FBN2: variants seen among roughly 807,000 people sequenced by gnomAD.
FBN2 encodes fibrillin-2.
In FBN2, 105 loss-of-function variants were observed where a neutral mutation model predicts 355.6. The observed-to-expected ratio is 0.30, with a 90% CI of 0.25 to 0.35. The LOEUF (loss-of-function observed/expected upper bound fraction) is 0.35. Ranked by LOEUF, FBN2 falls within the 10% of genes least tolerant of loss-of-function variation. The pLI is 1.00. For missense variants in FBN2, 3,280 were observed against 3,758.7 expected (o/e 0.87, Z 3.33); for synonymous variants, 1,350 against 1,301.2 (o/e 1.04, Z -0.81).
At chr5:128,337,091 G>A (rs1247252493) in intron 27 of FBN2, among the ~76,000 whole-genome samples, 1 of 152,120 alleles carries the variant, frequency 6.6e-6, no homozygotes, top group Non-Finnish European at 1.5e-5. Context: ...ACCTCAATAT[G>A]TTCAACCATG....
chr5:128,485,575 G>A (rs1167160254), intron 5 of FBN2, among the ~76,000 whole-genome samples: 1 of 152,078 alleles, frequency 6.6e-6, no homozygotes, highest in African/African-American at 2.4e-5. Flanking sequence ...CATGGAGACT[G>A]ATAGCATTTA....
chr5:128,273,634 C>T (rs1765317166), intron 61 of FBN2, among the ~76,000 whole-genome samples: 1 of 152,164 alleles, frequency 6.6e-6, no homozygotes, highest in South Asian at 2.1e-4. Context: ...AATTCGTAAT[C>T]ACAGAATTTT....
intron 48 of FBN2, among the ~76,000 whole-genome samples, chr5:128,296,791 C>T (rs1257293180): frequency 6.6e-6 from 1 of 152,076 alleles, no homozygotes; most frequent in Non-Finnish European, 1.5e-5. Flanking sequence ...AAAACCAGCT[C>T]CTGGATTCGT....
intron 4 of FBN2, among the ~76,000 whole-genome samples, chr5:128,523,140 C>T (rs1756480472): frequency 6.6e-6 from 1 of 152,168 alleles, no homozygotes; most frequent in African/African-American, 2.4e-5. Flanking sequence ...AGCAGAGGCG[C>T]AGACACTTGG....
At chr5:128,481,065 C>G (rs1302975196) in intron 5 of FBN2, among the ~76,000 whole-genome samples, 2 of 152,096 alleles carry the variant, frequency 1.3e-5, no homozygotes, top group East Asian at 3.9e-4. Context: ...CCCTATTTCC[C>G]AAAGATCTGT....
chr5:128,288,489 C>G lies in FBN2; in HGVS notation c.6706G>C (p.Glu2236Gln), dbSNP rs1177049005. ...GTCTNVIGSF[E>Q]CNCNEGFEPG... ...TCAAAGCCTTCATTGCAATTGCATT[C>G]AAAACTCCCAATAACATTGGTGCAT... The change falls in exon 53 of 65, where the codon GAA (glutamate) becomes CAA (glutamine). Residue 2236 changes from glutamate (E) to glutamine (Q), a missense_variant. Coordinates refer to ENST00000262464, the MANE Select transcript of FBN2 (RefSeq NM_001999.4). 1 of 1,613,900 alleles carries G rather than the reference C, an allele frequency of 6.2e-7. No individual in the cohort carries two copies. The highest frequency in any genetic ancestry group is 8.5e-7 in the Non-Finnish European group (1 of 1,179,924).
chr5:128,306,780 T>TA (rs780586021), intron 42 of FBN2, among the ~76,000 whole-genome samples: 1 of 152,018 alleles, frequency 6.6e-6, no homozygotes, highest in Non-Finnish European at 1.5e-5. Flanking sequence ...CACCAAAAAT[T>TA]AAAAAATGTA....
At chr5:128,298,397 G>A (rs1474587957) in intron 48 of FBN2, among the ~76,000 whole-genome samples, 2 of 152,100 alleles carry the variant, frequency 1.3e-5, no homozygotes, top group Non-Finnish European at 2.9e-5. Context: ...TTGCTAGATT[G>A]GGGAAGTTCT....
Position 128,377,751 on chromosome 5 carries a change from C to G in FBN2, c.1849+1G>C. On this transcript the variant is annotated splice_donor_variant, in intron 13 of 64. Coordinates refer to ENST00000262464, the MANE Select transcript of FBN2 (RefSeq NM_001999.4). LOFTEE classifies it high-confidence loss of function. ...TGCAAGGGAGCAGGCAATTTCCATACCAACACAGTTTTTTCCATCTGTAGT... is the reference window on the plus strand; with the variant it reads ...TGCAAGGGAGCAGGCAATTTCCATAGCAACACAGTTTTTTCCATCTGTAGT... 6.2e-7 allele frequency: 1 copy of G among 1,613,398 alleles called. No individual in the cohort carries two copies. The highest frequency in any genetic ancestry group is 8.5e-7 in the Non-Finnish European group (1 of 1,179,534).
chr5:128,299,593 C>T (rs1373780586), intron 48 of FBN2, among the ~76,000 whole-genome samples: 2 of 152,106 alleles, frequency 1.3e-5, no homozygotes, highest in South Asian at 2.1e-4. Flanking sequence ...CTCCAGGTGC[C>T]GTCTGTCACC....
In FBN2 at chr5:128,259,428, T is replaced by G. The variant is rs557466257; in HGVS notation, c.*27A>C. 6.2e-7 allele frequency: 1 copy of G among 1,612,420 alleles called. No homozygotes were observed. The highest frequency in any genetic ancestry group is 1.1e-5 in the South Asian group (1 of 91,010). ...TCTGCAGACTGGCTGTGCTAGGATT[T>G]GAGCCTGGGCCCAAGTCTGTGAAGG... On this transcript the variant is annotated 3_prime_UTR_variant, in exon 65 of 65. Transcript: ENST00000262464.
chr5:128,410,211 G>A (rs915907042), intron 7 of FBN2, among the ~76,000 whole-genome samples: 2 of 152,184 alleles, frequency 1.3e-5, no homozygotes, highest in African/African-American at 4.8e-5. Context: ...TGGTCAAAGA[G>A]CTGCCATCAG....
intron 19 of FBN2, among the ~76,000 whole-genome samples, chr5:128,359,822 G>A (rs1561788496): frequency 6.6e-6 from 1 of 151,776 alleles, no homozygotes; most frequent in East Asian, 1.9e-4. Context: ...ATGTAAGCAG[G>A]TGAGTCTCTG....
At position 128,335,392 on chromosome 5, in the gene FBN2, G is replaced by A. The variant is rs1750808037; in HGVS notation, c.3847+63C>T. ...ATCTGGTTCCACTTGGTAATATCTG[G>A]AGCCATATTTTCAAGAAAAAATTAG... is the stretch of plus-strand genomic sequence containing the variant. On this transcript the variant is annotated intron_variant, in intron 29 of 64. Coordinates refer to ENST00000262464, the MANE Select transcript of FBN2 (RefSeq NM_001999.4). 1.2e-5 allele frequency: 19 copies of A among 1,612,192 alleles called. No homozygotes were observed. In the Admixed American group the frequency reaches 2.8e-4, roughly 24 times the overall value.
At chr5:128,536,332 A>T in intron 2 of FBN2, 70 bp downstream of exon 2, 1 of 1,180,710 alleles carries the variant, frequency 8.5e-7, no homozygotes, top group Non-Finnish European at 1.3e-6. Context: ...CAAATGGCTG[A>T]GTGCAAGAGG....
At chr5:128,514,408 T>C (rs1756223904) in intron 5 of FBN2, among the ~76,000 whole-genome samples, 1 of 152,166 alleles carries the variant, frequency 6.6e-6, no homozygotes. Context: ...TATTACGGTA[T>C]TTACTGTGTC....
chr5:128,450,731 G>A (rs1754215259), intron 6 of FBN2, among the ~76,000 whole-genome samples: 1 of 151,606 alleles, frequency 6.6e-6, no homozygotes, highest in Admixed American at 6.6e-5. Flanking sequence ...TATAAAACCT[G>A]GCTTTTGGAA....
chr5:128,510,896 G>C (rs959247809), intron 5 of FBN2, among the ~76,000 whole-genome samples: 7 of 152,144 alleles, frequency 4.6e-5, no homozygotes, highest in African/African-American at 1.7e-4. Context: ...TATGGGTTCT[G>C]AGGTTATACC....
chr5:128,338,757 C>G (rs1750912357), intron 26 of FBN2, among the ~76,000 whole-genome samples, 176 bp downstream of exon 26: 1 of 152,134 alleles, frequency 6.6e-6, no homozygotes, highest in Non-Finnish European at 1.5e-5. Context: ...GTTGGGGCTC[C>G]CCGAGAGCTA....
Sources: gnomAD v4.1 joint callset for allele counts (sites outside exome capture counted in the v4.1 genomes callset) on GRCh38, gnomAD v4.1.1 for gene constraint, MANE v1.5 for transcripts, NCBI Gene and HGNC (gene_info 2026-07-23, HGNC 2026-07-21) for gene names.